Variants in ACOT7 observed in about 807,000 individuals in gnomAD.
The protein encoded by ACOT7 is acyl-CoA thioesterase 7, also known as cytosolic acyl coenzyme A thioester hydrolase.
A neutral mutation model predicts 40.2 loss-of-function variants in ACOT7; 12 were observed. That is an observed-to-expected ratio of 0.30 (90% CI 0.19 to 0.48). The LOEUF (loss-of-function observed/expected upper bound fraction) is 0.48. ACOT7 is among the 20% of genes least tolerant of loss of function. ACOT7 has a pLI of 0.99. For synonymous variants in ACOT7, 228 were observed against 219.5 expected (o/e 1.04, Z -0.34); for missense variants, 395 against 530.8 (o/e 0.74, Z 2.51).
chr1:6,270,857 C>T (rs187771250), intron 8 of ACOT7, among the ~76,000 whole-genome samples: 1 of 152,292 alleles, frequency 6.6e-6, no homozygotes, highest in African/African-American at 2.4e-5. Context: ...GTGGCTGCCC[C>T]AAAGGAGGGC....
chr1:6,271,378 G>A (rs143335278), intron 8 of ACOT7, among the ~76,000 whole-genome samples: 33 of 152,248 alleles, frequency 2.2e-4, no homozygotes, highest in African/African-American at 7.0e-4. Flanking sequence ...AGGAAGCCAC[G>A]TAGCATGCCC....
At position 6,293,507 on chromosome 1, in the gene ACOT7, T is replaced by A. The variant is rs548299523; in HGVS notation, c.829+1357A>T. ...CAAACATCTATTGGTCAAGAAAAGATTCTGAGTGAGCCGCTGTCTCTACAA... is the reference window on the plus strand; with the variant it reads ...CAAACATCTATTGGTCAAGAAAAGAATCTGAGTGAGCCGCTGTCTCTACAA... On this transcript the variant is annotated intron_variant, in intron 7 of 8. Transcript: ENST00000361521. 5.3e-5 allele frequency among the ~76,000 whole-genome samples: 8 copies of A among 152,238 alleles called. No individual in the cohort carries two copies. In the East Asian group the frequency reaches 1.4e-3, roughly 26 times the overall value.
At chr1:6,350,102 G>A (rs984895043) in intron 1 of ACOT7, among the ~76,000 whole-genome samples, 1 of 152,194 alleles carries the variant, frequency 6.6e-6, no homozygotes, top group Non-Finnish European at 1.5e-5. Flanking sequence ...AGGGCAGAGG[G>A]GCACTTTCTC....
chr1:6,333,231 T>G (rs1293586734), intron 4 of ACOT7, among the ~76,000 whole-genome samples: 2 of 152,184 alleles, frequency 1.3e-5, no homozygotes, highest in African/African-American at 4.8e-5. Flanking sequence ...CATTAGAAGA[T>G]CCCACACAGA....
Position 6,282,204 on chromosome 1 carries a change from C to T in ACOT7, c.830-918G>A, listed in dbSNP as rs545840627. Among the ~76,000 whole-genome samples, 76 of 152,262 alleles carry T rather than the reference C, an allele frequency of 5.0e-4. No individual in the cohort carries two copies. The highest frequency in any genetic ancestry group is 1.7e-3 in the African/African-American group (69 of 41,544). ...GCCTGGGCTCCATCCTCCTACCTGGCCTCAACATAATCCCTTAATCTCAGG... is the reference window on the plus strand; with the variant it reads ...GCCTGGGCTCCATCCTCCTACCTGGTCTCAACATAATCCCTTAATCTCAGG... On this transcript the variant is annotated intron_variant, in intron 7 of 8. Coordinates refer to ENST00000361521, the MANE Select transcript of ACOT7 (RefSeq NM_007274.4). The surrounding 1 kb of genome is among the most constrained non-coding windows in gnomAD (Gnocchi z 4.5).
intron 6 of ACOT7, among the ~76,000 whole-genome samples, chr1:6,304,397 T>A (rs1348350324): frequency 6.7e-6 from 1 of 148,888 alleles, no homozygotes; most frequent in Non-Finnish European, 1.5e-5. Flanking sequence ...TACGTTCTTT[T>A]TTTTTTTTTT....
chr1:6,326,458 T>A (rs573158763), intron 5 of ACOT7, among the ~76,000 whole-genome samples: 35 of 152,298 alleles, frequency 2.3e-4, no homozygotes, highest in South Asian at 8.3e-4. Context: ...AGCAAGAGGA[T>A]GGATGGCAGA....
intron 5 of ACOT7, among the ~76,000 whole-genome samples, chr1:6,323,094 C>T (rs1640692581): frequency 6.6e-6 from 1 of 151,934 alleles, no homozygotes; most frequent in South Asian, 2.1e-4. Flanking sequence ...CATGCTGTTG[C>T]ACTCCAACCT....
intron 8 of ACOT7, among the ~76,000 whole-genome samples, chr1:6,273,135 T>C (rs556758602): frequency 6.2e-4 from 95 of 152,226 alleles, no homozygotes; most frequent in Non-Finnish European, 1.3e-3. Context: ...AAGAGCTACC[T>C]ACCAGTGCCG....
Position 6,393,312 on chromosome 1 carries a change from C to G in ACOT7, c.88G>C (p.Ala30Pro), listed in dbSNP as rs1034595195. 3 of 1,281,262 alleles carry G rather than the reference C, an allele frequency of 2.3e-6. No individual in the cohort carries two copies. The highest frequency in any genetic ancestry group is 2.2e-4 in the Middle Eastern group (1 of 4,468). The allele number at this position is 1,281,262 out of a possible 1,614,324, so 79.4% of individuals were successfully genotyped here. Reference protein sequence around the residue: ...LQPPAASAAAAPSMSGPDVET... With the variant: ...LQPPAASAAAPPSMSGPDVET... Reference sequence around the variant, plus strand: ...ACGTCTGGGCCCGACATGCTGGGGGCTGCGGCGGCGGATGCGGCGGGCGGC... The same window carrying G: ...ACGTCTGGGCCCGACATGCTGGGGGGTGCGGCGGCGGATGCGGCGGGCGGC... The change falls in exon 1 of 9, where the codon GCC becomes CCC. Residue 30 changes from alanine (A) to proline (P), a missense_variant. By Grantham distance (27) the Ala-to-Pro change is conservative. This residue lies in a region of ACOT7 where 86 missense variants were observed against 60.5 expected (regional missense o/e 1.42). Coordinates refer to ENST00000361521, the MANE Select transcript of ACOT7 (RefSeq NM_007274.4).
intron 1 of ACOT7, among the ~76,000 whole-genome samples, chr1:6,372,796 C>A (rs1046003985): frequency 1.3e-5 from 2 of 152,020 alleles, no homozygotes; most frequent in African/African-American, 4.8e-5. Context: ...GTGATCCAAC[C>A]GCCTCAGCCT....
At chr1:6,328,680 T>TA (rs1640872254) in intron 4 of ACOT7, among the ~76,000 whole-genome samples, 1 of 152,026 alleles carries the variant, frequency 6.6e-6, no homozygotes, top group South Asian at 2.1e-4. Flanking sequence ...AGACTCCGTC[T>TA]AAAAAAATAA....
At chr1:6,353,750 C>A (rs1641661512) in intron 1 of ACOT7, among the ~76,000 whole-genome samples, 1 of 152,220 alleles carries the variant, frequency 6.6e-6, no homozygotes, top group African/African-American at 2.4e-5. Context: ...CAGGCCTGGC[C>A]CAGTTCTGGA....
At chr1:6,360,597 C>T (rs1641867308) in intron 1 of ACOT7, 1 of 1,614,242 alleles carries the variant, frequency 6.2e-7, no homozygotes. Flanking sequence ...AAAACAGGCC[C>T]TGTCGACTTC....
At chr1:6,357,122 A>C (rs970108693) in intron 1 of ACOT7, among the ~76,000 whole-genome samples, 1 of 152,000 alleles carries the variant, frequency 6.6e-6, no homozygotes, top group Non-Finnish European at 1.5e-5. Context: ...CTGTAATCCC[A>C]GCTACCTGGG....
intron 1 of ACOT7, among the ~76,000 whole-genome samples, chr1:6,380,713 CAA>C (rs61258408): frequency 2.8e-5 from 3 of 105,922 alleles, no homozygotes; most frequent in Non-Finnish European, 4.3e-5. Context: ...ATAGCATATA[CAA>C]AAAAAAAAAA....
intron 4 of ACOT7, among the ~76,000 whole-genome samples, chr1:6,328,677 G>A (rs185203945): frequency 1.0e-3 from 153 of 152,160 alleles, no homozygotes; most frequent in Non-Finnish European, 1.4e-3. Flanking sequence ...GCGAGACTCC[G>A]TCTAAAAAAA....
chr1:6,335,327 C>CAAAAA (rs58439931), intron 3 of ACOT7, among the ~76,000 whole-genome samples: 4 of 58,348 alleles, frequency 6.9e-5, no homozygotes, highest in African/African-American at 2.5e-4. Context: ...AACTCTGCCT[C>CAAAAA]AAAAAAAAAA....
intron 2 of ACOT7, among the ~76,000 whole-genome samples, chr1:6,340,476 T>C (rs1641246523): frequency 6.6e-6 from 1 of 152,116 alleles, no homozygotes; most frequent in Non-Finnish European, 1.5e-5. Context: ...ATTTGGGAAA[T>C]ACAGAAAAGT....
Sources: gnomAD v4.1 joint callset for allele counts (sites outside exome capture counted in the v4.1 genomes callset) on GRCh38, gnomAD v4.1.1 for gene constraint, gnomAD v4.1.1 regional missense constraint, Gnocchi (gnomAD v3.1) non-coding constraint, MANE v1.5 for transcripts, NCBI Gene and HGNC (gene_info 2026-07-23, HGNC 2026-07-21) for gene names.